The following AGBL4 variants were observed in gnomAD, a reference collection of about 807,000 sequenced individuals.
The protein encoded by AGBL4 is cytosolic carboxypeptidase 6.
AGBL4 carries 58 observed loss-of-function variants against 66.4 expected under a neutral mutation model. That is an observed-to-expected ratio of 0.87 (90% CI 0.71 to 1.09). The LOEUF (loss-of-function observed/expected upper bound fraction) is 1.09, where lower values mean the gene tolerates loss of function less well. AGBL4 is among the 50% of genes least tolerant of loss of function. The pLI is 0.00. For synonymous variants in AGBL4, 234 were observed against 222.9 expected (o/e 1.05, Z -0.44); for missense variants, 579 against 631.0 (o/e 0.92, Z 0.88).
rs146482340 is a variant in AGBL4, at chr1:49,254,828, T to C, written c.283-8964A>G. 1.6e-3 allele frequency among the ~76,000 whole-genome samples: 241 copies of C among 152,194 alleles called. 4 individuals are homozygous for C. The highest frequency in any genetic ancestry group is 5.6e-3 in the African/African-American group (234 of 41,514). On this transcript the variant is annotated intron_variant, in intron 3 of 13. Transcript: ENST00000371839. ...GTACAAAAACAGAAACATAGACCAATGGAACAGAATAGAGAACCCAGAAAC... is the reference window on the plus strand; with the variant it reads ...GTACAAAAACAGAAACATAGACCAACGGAACAGAATAGAGAACCCAGAAAC...
At chr1:49,100,696 AG>A (rs1429312593) in intron 4 of AGBL4, among the ~76,000 whole-genome samples, 1 of 152,204 alleles carries the variant, frequency 6.6e-6, no homozygotes, top group Non-Finnish European at 1.5e-5. Flanking sequence ...CAATGTTCAC[AG>A]GGTCAGGCAG....
At chr1:48,830,743 G>C (rs12568386) in intron 6 of AGBL4, among the ~76,000 whole-genome samples, 1 of 152,284 alleles carries the variant, frequency 6.6e-6, no homozygotes, top group Non-Finnish European at 1.5e-5. Context: ...TGGGCACCTA[G>C]CAATTTTGCT....
intron 6 of AGBL4, among the ~76,000 whole-genome samples, chr1:48,788,313 C>T (rs1163740397): frequency 1.3e-5 from 2 of 152,174 alleles, no homozygotes; most frequent in African/African-American, 4.8e-5. Context: ...AGGGTAATGA[C>T]AAGGATGGGT....
intron 2 of AGBL4, among the ~76,000 whole-genome samples, chr1:49,828,974 C>T (rs1398311139): frequency 6.6e-6 from 1 of 151,440 alleles, no homozygotes; most frequent in African/African-American, 2.4e-5. Context: ...GAGGCTGAGG[C>T]AGGAGAATGG....
Position 48,813,829 on chromosome 1 carries a change from C to T in AGBL4, c.634+53362G>A, listed in dbSNP as rs147227751. On this transcript the variant is annotated intron_variant, in intron 6 of 13. Transcript: ENST00000371839. ...CCTTCTCTTCTGGCTCTGATGGAGA[C>T]ATTTTGGGTAGCTTTTTTTTTTTTT... Among the ~76,000 whole-genome samples the T allele has an allele frequency of 3.9e-3, 589 of 150,138 alleles. 1 individual carries two copies. Among genetic ancestry groups the T allele is most frequent in the African/African-American group, 0.014 (556 of 40,990 alleles).
intron 3 of AGBL4, among the ~76,000 whole-genome samples, chr1:49,612,583 C>G (rs1645175260): frequency 6.6e-6 from 1 of 152,114 alleles, no homozygotes; most frequent in African/African-American, 2.4e-5. Context: ...TGAACAGATA[C>G]TTTTCGAAAG....
intron 3 of AGBL4, among the ~76,000 whole-genome samples, chr1:49,596,676 A>G (rs554073293): frequency 1.3e-5 from 2 of 152,350 alleles, no homozygotes; most frequent in South Asian, 4.1e-4. Context: ...TGAAAAATAA[A>G]TTATGTCAGT....
chr1:48,743,550 G>A (rs981421079), intron 6 of AGBL4, among the ~76,000 whole-genome samples: 1 of 152,132 alleles, frequency 6.6e-6, no homozygotes, highest in East Asian at 1.9e-4. Flanking sequence ...AACTTTTGTG[G>A]GAGAACAACT....
chr1:48,622,226 C>A (rs531092311), intron 9 of AGBL4, among the ~76,000 whole-genome samples: 25 of 152,234 alleles, frequency 1.6e-4, no homozygotes, highest in African/African-American at 5.5e-4. Flanking sequence ...GTAATGCTTC[C>A]CCCAGTCTTT....
intron 3 of AGBL4, among the ~76,000 whole-genome samples, chr1:49,473,624 C>T (rs574236760): frequency 6.6e-6 from 1 of 152,128 alleles, no homozygotes; most frequent in South Asian, 2.1e-4. Context: ...TGTGAAGACA[C>T]TGTTTAGTTT....
At chr1:49,551,340 A>G (rs1652934799) in intron 3 of AGBL4, among the ~76,000 whole-genome samples, 3 of 152,108 alleles carry the variant, frequency 2.0e-5, no homozygotes, top group Admixed American at 2.0e-4. Context: ...CAGGTGAACT[A>G]GTATGATTTT....
At chr1:49,749,476 C>A (rs72686739) in intron 2 of AGBL4, among the ~76,000 whole-genome samples, 64,235 of 151,896 alleles carry the variant, frequency 0.42, 16,080 homozygotes, top group Non-Finnish European at 0.57. Flanking sequence ...GATTATAGTG[C>A]TATTTACATA....
chr1:48,567,837 A>G (rs1394986351), intron 11 of AGBL4, among the ~76,000 whole-genome samples: 3 of 152,050 alleles, frequency 2.0e-5, no homozygotes, highest in Non-Finnish European at 4.4e-5. Flanking sequence ...AATTTTTGAT[A>G]CTATTTGCAG....
chr1:49,657,650 CA>C (rs1646172331), intron 3 of AGBL4, among the ~76,000 whole-genome samples: 1 of 152,066 alleles, frequency 6.6e-6, no homozygotes. Context: ...GTACTGGTAC[CA>C]AAACAGAGAT....
chr1:48,830,555 A>C (rs1176683889), intron 6 of AGBL4, among the ~76,000 whole-genome samples: 1 of 152,260 alleles, frequency 6.6e-6, no homozygotes, highest in African/African-American at 2.4e-5. Flanking sequence ...GTAATGTCTG[A>C]TAAGTTAATA....
At chr1:48,957,466 T>C (rs189583400) in intron 5 of AGBL4, among the ~76,000 whole-genome samples, 7 of 152,270 alleles carry the variant, frequency 4.6e-5, no homozygotes, top group Admixed American at 4.6e-4. Context: ...TCTCTAGAAA[T>C]GGAATGGGTG....
At chr1:49,128,370 T>G (rs1485867908) in intron 4 of AGBL4, among the ~76,000 whole-genome samples, 1 of 152,054 alleles carries the variant, frequency 6.6e-6, no homozygotes, top group Non-Finnish European at 1.5e-5. Context: ...CTCTGTAATT[T>G]ATATAGCAAT....
At chr1:48,880,420 TA>T (rs1218403835) in intron 5 of AGBL4, among the ~76,000 whole-genome samples, 1 of 152,218 alleles carries the variant, frequency 6.6e-6, no homozygotes, top group South Asian at 2.1e-4. Flanking sequence ...TGTGCTGCTG[TA>T]AACATACATG....
At chr1:49,718,276 C>T (rs147376651) in intron 2 of AGBL4, among the ~76,000 whole-genome samples, 5 of 152,062 alleles carry the variant, frequency 3.3e-5, no homozygotes, top group African/African-American at 1.2e-4. Flanking sequence ...TGTAGCATCT[C>T]ACCATTTCTC....
Sources: gnomAD v4.1 joint callset for allele counts (sites outside exome capture counted in the v4.1 genomes callset) on GRCh38, gnomAD v4.1.1 for gene constraint, MANE v1.5 for transcripts, NCBI Gene and HGNC (gene_info 2026-07-23, HGNC 2026-07-21) for gene names.